FER1L6: variants seen among roughly 807,000 people sequenced by gnomAD.
FER1L6 encodes fer-1 like family member 6.
A neutral mutation model predicts 219.2 loss-of-function variants in FER1L6; 177 were observed. That is an observed-to-expected ratio of 0.81 (90% CI 0.71 to 0.91). The LOEUF (loss-of-function observed/expected upper bound fraction) is 0.91. FER1L6 is among the 40% of genes least tolerant of loss of function. The pLI, the probability that FER1L6 is intolerant of heterozygous loss-of-function variation, is 0.00. For missense variants in FER1L6, 2,153 were observed against 2,259.9 expected, an observed-to-expected ratio of 0.95 and a Z score of 0.96; for synonymous variants, 768 against 824.3, an observed-to-expected ratio of 0.93 and a Z score of 1.17.
intron 18 of FER1L6, among the ~76,000 whole-genome samples, chr8:124,028,948 C>T (rs554467073): frequency 6.6e-6 from 1 of 152,194 alleles, no homozygotes; most frequent in East Asian, 1.9e-4. Context: ...GTCCCCCATC[C>T]CCTGACAGGC....
At chr8:123,862,943 T>C (rs1816771100) in intron 1 of FER1L6, among the ~76,000 whole-genome samples, 2 of 146,716 alleles carry the variant, frequency 1.4e-5, no homozygotes, top group South Asian at 2.1e-4. Flanking sequence ...CCTGGATTCA[T>C]TGATTTTTTG....
At chr8:123,994,171 T>C (rs1281240353) in intron 12 of FER1L6, among the ~76,000 whole-genome samples, 2 of 152,222 alleles carry the variant, frequency 1.3e-5, no homozygotes, top group Non-Finnish European at 2.9e-5. Flanking sequence ...GCTTGCCTTA[T>C]GCTGCCCAGA....
At chr8:124,002,031 C>A (rs1231224528) in intron 12 of FER1L6, among the ~76,000 whole-genome samples, 1 of 152,186 alleles carries the variant, frequency 6.6e-6, no homozygotes, top group Non-Finnish European at 1.5e-5. Flanking sequence ...CAGCTACAGC[C>A]TGATCCTGTG....
At chr8:123,898,548 T>A (rs563315245) in intron 1 of FER1L6, among the ~76,000 whole-genome samples, 1 of 151,270 alleles carries the variant, frequency 6.6e-6, no homozygotes, top group African/African-American at 2.4e-5. Context: ...TTTCCATTCC[T>A]GAGTTACTTC....
intron 12 of FER1L6, 98 bp from the exon 13 acceptor site, chr8:124,003,069 A>T: frequency 1.0e-6 from 1 of 977,052 alleles, no homozygotes; most frequent in Non-Finnish European, 1.6e-6. Flanking sequence ...AGCTTACCTT[A>T]TTGCTGTGGG....
At chr8:124,045,510 G>C (rs1045860400) in intron 20 of FER1L6, among the ~76,000 whole-genome samples, 1 of 152,230 alleles carries the variant, frequency 6.6e-6, no homozygotes, top group African/African-American at 2.4e-5. Context: ...TATGCAAAGA[G>C]GGTGTTAAAC....
chr8:124,074,686 C>T (rs1254123469), intron 31 of FER1L6, among the ~76,000 whole-genome samples: 1 of 151,168 alleles, frequency 6.6e-6, no homozygotes, highest in African/African-American at 2.4e-5. Context: ...GAAATATAGT[C>T]ATATATCTTT....
Position 124,091,457 on chromosome 8 carries a change from C to A in FER1L6, c.4426C>A (p.Pro1476Thr), listed in dbSNP as rs372179492. ...GYNAWRDTSK[P>T]TEILTKLCKD... ...CAATGCCTGGAGAGACACGTCCAAACCCACCGAAATCCTCACTAAGCTCTG... is the reference window on the plus strand; with the variant it reads ...CAATGCCTGGAGAGACACGTCCAAAACCACCGAAATCCTCACTAAGCTCTG... The change falls in exon 34 of 41, where the codon CCC (proline) becomes ACC (threonine). Residue 1476 changes from proline (P) to threonine (T), a missense_variant. Pro to Thr is a conservative substitution (Grantham distance 38). Coordinates refer to ENST00000522917, the MANE Select transcript of FER1L6 (RefSeq NM_001039112.2). The A allele has an allele frequency of 9.0e-5, 145 of 1,612,612 alleles. No homozygotes were observed. The highest frequency in any genetic ancestry group is 1.2e-4 in the Non-Finnish European group (144 of 1,179,468).
chr8:124,056,316 G>C (rs965047358), intron 22 of FER1L6, among the ~76,000 whole-genome samples: 1 of 152,200 alleles, frequency 6.6e-6, no homozygotes, highest in African/African-American at 2.4e-5. Context: ...TATGTGGCTG[G>C]CCTCCCCTAC....
chr8:123,980,920 CT>C, intron 11 of FER1L6, 109 bp downstream of exon 11: 1 of 990,620 alleles, frequency 1.0e-6, no homozygotes, highest in East Asian at 2.6e-5. Context: ...CTTATTCCCT[CT>C]GAAAAATTTG....
intron 1 of FER1L6, among the ~76,000 whole-genome samples, chr8:123,856,352 G>T (rs1816650418): frequency 6.2e-5 from 4 of 64,730 alleles, no homozygotes; most frequent in Non-Finnish European, 9.9e-5. Flanking sequence ...ATATATATTA[G>T]GGTCCAGGCC....
chr8:124,069,765 T>C (rs1820988677), intron 29 of FER1L6, among the ~76,000 whole-genome samples: 1 of 152,230 alleles, frequency 6.6e-6, no homozygotes, highest in Non-Finnish European at 1.5e-5. Flanking sequence ...CTCTAGGTGC[T>C]TGTCATCATC....
chr8:124,119,813 C>T lies in FER1L6; in HGVS notation c.*23C>T. The stretch of plus-strand genomic sequence containing the variant: ...TAGAGGATCATGGAGGACCCAGATC[C>T]TCGCCATATACTAATCCTCTCTTCC... On this transcript the variant is annotated 3_prime_UTR_variant, in exon 41 of 41. Transcript: ENST00000522917. 2 of 1,610,196 alleles carry T rather than the reference C, an allele frequency of 1.2e-6. No homozygotes were observed. Among genetic ancestry groups the T allele is most frequent in the Non-Finnish European group, 1.7e-6 (2 of 1,178,162 alleles).
At chr8:124,051,289 G>A (rs763380807) in intron 22 of FER1L6, among the ~76,000 whole-genome samples, 2 of 152,098 alleles carry the variant, frequency 1.3e-5, no homozygotes, top group African/African-American at 4.8e-5. Flanking sequence ...TTATATAATA[G>A]CAGCCTAAGC....
At chr8:124,020,598 T>G (rs1172128699) in intron 16 of FER1L6, among the ~76,000 whole-genome samples, 1 of 152,200 alleles carries the variant, frequency 6.6e-6, no homozygotes, top group Non-Finnish European at 1.5e-5. Context: ...TACGATGTCT[T>G]CTTGGTCTGA....
intron 21 of FER1L6, 178 bp downstream of exon 21, chr8:124,046,079 GA>G: frequency 1.7e-6 from 1 of 590,866 alleles, no homozygotes; most frequent in South Asian, 3.2e-5. Context: ...GATTGGTGAT[GA>G]TCATTTGCTT....
intron 19 of FER1L6, among the ~76,000 whole-genome samples, chr8:124,036,959 G>T (rs759002800): frequency 6.6e-6 from 1 of 152,208 alleles, no homozygotes; most frequent in Non-Finnish European, 1.5e-5. Flanking sequence ...AAACTAGTGG[G>T]TGACATAGAG....
chr8:123,880,527 A>G (rs1337054376), intron 1 of FER1L6, among the ~76,000 whole-genome samples: 6 of 152,146 alleles, frequency 3.9e-5, no homozygotes, highest in Admixed American at 3.9e-4. Flanking sequence ...TGGTCCCACC[A>G]CCCAATACCC....
chr8:123,857,177 G>A (rs1816662714), intron 1 of FER1L6, among the ~76,000 whole-genome samples: 1 of 152,140 alleles, frequency 6.6e-6, no homozygotes, highest in African/African-American at 2.4e-5. Context: ...TTATTAGAAT[G>A]TTTTGTTTTG....
Sources: gnomAD v4.1 joint callset for allele counts (sites outside exome capture counted in the v4.1 genomes callset) on GRCh38, gnomAD v4.1.1 for gene constraint, MANE v1.5 for transcripts, NCBI Gene and HGNC (gene_info 2026-07-23, HGNC 2026-07-21) for gene names.